COL22A1: variants seen among roughly 807,000 people sequenced by gnomAD.
The protein encoded by COL22A1 is collagen alpha-1(XXII) chain.
In COL22A1, 221 loss-of-function variants were observed where a neutral mutation model predicts 248.9. The ratio of observed to expected loss-of-function variants is 0.89; its 90% CI spans 0.80 to 0.99. The LOEUF (loss-of-function observed/expected upper bound fraction) is 0.99, where lower values mean the gene tolerates loss of function less well. Among genes scored for constraint, COL22A1 ranks in the 50% least tolerant of loss-of-function variants. COL22A1 has a pLI of 0.00. For missense variants in COL22A1, 2,240 were observed against 2,179.0 expected (o/e 1.03, Z -0.56); for synonymous variants, 891 against 793.4 (o/e 1.12, Z -2.07).
intron 12 of COL22A1, among the ~76,000 whole-genome samples, chr8:138,782,977 T>C (rs1254978649): frequency 2.0e-5 from 3 of 152,176 alleles, no homozygotes; most frequent in Non-Finnish European, 4.4e-5. Context: ...AAAGGGACTG[T>C]GCAAAGACAC....
chr8:138,613,458 G>A (rs917880764), intron 56 of COL22A1, among the ~76,000 whole-genome samples: 6 of 152,136 alleles, frequency 3.9e-5, no homozygotes, highest in African/African-American at 9.7e-5. Context: ...GTGCATGTCA[G>A]GCTTCTGGCC....
intron 1 of COL22A1, among the ~76,000 whole-genome samples, chr8:138,890,036 T>C (rs1210327003): frequency 2.6e-5 from 4 of 152,102 alleles, no homozygotes; most frequent in Non-Finnish European, 5.9e-5. Flanking sequence ...ACAGACACCA[T>C]GACCAAGTGA....
chr8:138,768,121 C>T (rs891269228), intron 16 of COL22A1, among the ~76,000 whole-genome samples: 3 of 152,174 alleles, frequency 2.0e-5, no homozygotes, highest in African/African-American at 2.4e-5. Flanking sequence ...CCTCTGCCCT[C>T]GATCCGATCC....
intron 5 of COL22A1, among the ~76,000 whole-genome samples, chr8:138,828,602 A>G (rs571895846): frequency 6.6e-6 from 1 of 152,314 alleles, no homozygotes; most frequent in South Asian, 2.1e-4. Flanking sequence ...CAAGCTCACC[A>G]CAACTCTTTT....
chr8:138,649,624 C>G lies in COL22A1; in HGVS notation c.3447+41G>C, dbSNP rs1197344123. ...ACTGAGATCTCCAGAATGATATTTT[C>G]ATTGTAATGATAAAAATCGAGTTTC... On this transcript the variant is annotated intron_variant, in intron 46 of 64. Transcript: ENST00000303045. 3 of 1,585,562 alleles carry G rather than the reference C, an allele frequency of 1.9e-6. No homozygotes were observed. The South Asian group carries it at 3.4e-5, about 18-fold the overall frequency.
In COL22A1 at chr8:138,821,241, A is replaced by G; in HGVS notation, c.1140T>C (p.Ile380=). The change falls in exon 7 of 65, where the codon ATT becomes ATC. Residue 380 remains isoleucine, a synonymous_variant. Transcript: ENST00000303045. ...GTAGTGTCTGCACCAGCGCACAGTCAATGTGCAGGGAGACGTTCTGGGCCT... is the reference window on the plus strand; with the variant it reads ...GTAGTGTCTGCACCAGCGCACAGTCGATGTGCAGGGAGACGTTCTGGGCCT... ...SIQAQNVSLH[I]DCALVQTLPI... is the part of the protein sequence containing the mutation. The G allele has an allele frequency of 6.2e-7, 1 of 1,614,150 alleles. No homozygotes were observed. Among genetic ancestry groups the G allele is most frequent in the Middle Eastern group, 1.6e-4 (1 of 6,062 alleles).
intron 12 of COL22A1, among the ~76,000 whole-genome samples, chr8:138,783,248 A>T (rs985563976): frequency 6.6e-6 from 1 of 152,144 alleles, no homozygotes; most frequent in Non-Finnish European, 1.5e-5. Flanking sequence ...TAAAATGGGG[A>T]CAATCACGGT....
rs767792659 is a variant in COL22A1, at chr8:138,780,959, G to C, written c.1618C>G (p.Pro540Ala). The C allele has an allele frequency of 1.2e-6, 2 of 1,608,002 alleles. No individual in the cohort carries two copies. The highest frequency in any genetic ancestry group is 1.1e-5 in the South Asian group (1 of 89,738). The change falls in exon 13 of 65, where the codon CCC (proline) becomes GCC (alanine). Residue 540 changes from proline (P) to alanine (A), a missense_variant. By Grantham distance (27) the Pro-to-Ala change is conservative (BLOSUM62 -1). Transcript: ENST00000303045. The stretch of plus-strand genomic sequence containing the variant: ...CCTTTGCTGCCGTCTCTCCCAGGGG[G>C]GCCGGGCAGGCCCAGGGAACCCTAA... ...GEKGSLGLPG[P>A]PGRDGSKGMR... is the part of the protein sequence containing the mutation.
Position 138,619,524 on chromosome 8 carries a change from A to T in COL22A1, c.3772-16T>A, listed in dbSNP as rs1157900780. Reference sequence around the variant, plus strand: ...CTGCTTTGCCCTGAGAGTAAGGAAGAAAAGAAGAGTTTGAGGACAACATTG... The same window carrying T: ...CTGCTTTGCCCTGAGAGTAAGGAAGTAAAGAAGAGTTTGAGGACAACATTG... On this transcript the variant is annotated splice_polypyrimidine_tract_variant and intron_variant, in intron 52 of 64. Transcript: ENST00000303045. The T allele has an allele frequency of 6.2e-7, 1 of 1,613,282 alleles. No individual in the cohort carries two copies. The highest frequency in any genetic ancestry group is 1.3e-5 in the African/African-American group (1 of 75,032).
chr8:138,596,783 A>G, intron 62 of COL22A1, 121 bp downstream of exon 62: 1 of 848,674 alleles, frequency 1.2e-6, no homozygotes, highest in Non-Finnish European at 2.0e-6. Context: ...CTGATAGTCT[A>G]CACTTGAGCT....
At chr8:138,796,963 A>C in intron 11 of COL22A1, 106 bp from the exon 12 acceptor site, 3 of 820,318 alleles carry the variant, frequency 3.7e-6, no homozygotes, top group Non-Finnish European at 6.5e-6. Flanking sequence ...ATATTTTCTC[A>C]TCAGCTCTGC....
chr8:138,648,084 C>T (rs1197007453), intron 46 of COL22A1, among the ~76,000 whole-genome samples: 1 of 152,168 alleles, frequency 6.6e-6, no homozygotes, highest in South Asian at 2.1e-4. Context: ...AAACATGATA[C>T]AAGAAATGCT....
rs191352284 is a variant in COL22A1 at position 138,647,699 on chromosome 8, G to A, written c.3448-1017C>T. ...TACCCAGGTGGGAGGGTGGGGGTTC[G>A]TGGCCCCCTGCCAGGTCCTGCCAGA... On this transcript the variant is annotated intron_variant, in intron 46 of 64. Transcript: ENST00000303045. Among the ~76,000 whole-genome samples, 107 of 152,220 alleles carry A rather than the reference G, an allele frequency of 7.0e-4. 1 individual carries two copies. Among genetic ancestry groups the A allele is most frequent in the Admixed American group, 1.1e-3 (17 of 15,300 alleles).
At chr8:138,886,435 G>A (rs992404856) in intron 1 of COL22A1, among the ~76,000 whole-genome samples, 25 of 152,082 alleles carry the variant, frequency 1.6e-4, no homozygotes, top group African/African-American at 6.0e-4. Flanking sequence ...AGGGGAAGGA[G>A]GAAGAGAGAG....
chr8:138,724,327 T>C (rs1830130875), intron 25 of COL22A1, among the ~76,000 whole-genome samples: 1 of 152,194 alleles, frequency 6.6e-6, no homozygotes, highest in Non-Finnish European at 1.5e-5. Flanking sequence ...CAAAGGACTC[T>C]TGAATGTGTC....
At chr8:138,644,386 G>C (rs1255381823) in intron 47 of COL22A1, among the ~76,000 whole-genome samples, 2 of 152,022 alleles carry the variant, frequency 1.3e-5, no homozygotes, top group African/African-American at 4.8e-5. Context: ...ATATGCGGCT[G>C]CCACCACTGT....
At chr8:138,788,126 C>T (rs549746126) in intron 12 of COL22A1, among the ~76,000 whole-genome samples, 1 of 152,152 alleles carries the variant, frequency 6.6e-6, no homozygotes, top group South Asian at 2.1e-4. Context: ...CACAGGCCAG[C>T]TGCATCAACC....
chr8:138,898,179 C>G (rs918656980), intron 1 of COL22A1, among the ~76,000 whole-genome samples: 3 of 152,130 alleles, frequency 2.0e-5, no homozygotes, highest in Non-Finnish European at 4.4e-5. Context: ...ATTCAGTCTA[C>G]AGCAGATAGG....
At chr8:138,640,968 G>A (rs1277522235) in intron 47 of COL22A1, among the ~76,000 whole-genome samples, 1 of 152,176 alleles carries the variant, frequency 6.6e-6, no homozygotes, top group African/African-American at 2.4e-5. Context: ...TTGGCTTCCT[G>A]CCTCCATCAG....
Sources: gnomAD v4.1 joint callset for allele counts (sites outside exome capture counted in the v4.1 genomes callset) on GRCh38, gnomAD v4.1.1 for gene constraint, MANE v1.5 for transcripts, NCBI Gene and HGNC (gene_info 2026-07-23, HGNC 2026-07-21) for gene names.